CSMD1: variants seen among roughly 807,000 people sequenced by gnomAD.
CSMD1 encodes CUB and Sushi multiple domains 1, also known as CUB and sushi domain-containing protein 1.
A neutral mutation model predicts 417.5 loss-of-function variants in CSMD1; 213 were observed. That is an observed-to-expected ratio of 0.51 (90% confidence interval 0.46 to 0.57). The LOEUF is 0.57. CSMD1 is among the 20% of genes least tolerant of loss of function. The probability of loss-of-function intolerance (pLI) is 0.00; values close to 1 mark genes in which losing one functional copy is unlikely to be tolerated. For synonymous variants in CSMD1, 2,862 were observed against 1,736.8 expected (o/e 1.65, Z -16.11); for missense variants, 6,923 against 4,529.7 (o/e 1.53, Z -15.17).
Position 4,592,463 on chromosome 8 carries a change from T to G in CSMD1, c.302+44879A>C, listed in dbSNP as rs946031674. ...GTGCAGTGGCATGACCTTGACTCAC[T>G]GCAACCTCCACCTGCCAGGTTTAAG... is the stretch of plus-strand genomic sequence containing the variant. On this transcript the variant is annotated intron_variant, in intron 2 of 69. Coordinates refer to ENST00000635120, the MANE Select transcript of CSMD1 (RefSeq NM_033225.6). Among the ~76,000 whole-genome samples, 12 of 152,146 alleles carry G rather than the reference T, an allele frequency of 7.9e-5. No individual in the cohort carries two copies. The East Asian group carries it at 2.1e-3, about 27-fold the overall frequency.
chr8:3,035,065 C>A (rs1810583035), intron 50 of CSMD1, among the ~76,000 whole-genome samples: 1 of 152,134 alleles, frequency 6.6e-6, no homozygotes, highest in South Asian at 2.1e-4. Flanking sequence ...GAGTTACAGT[C>A]AGGAGGCAAC....
rs1331676757 is a variant in CSMD1, at chr8:3,574,976, A to G, written c.1313T>C (p.Val438Ala). ...PVQYEDNAHC[V>A]WVITTTDPDK... ...CGGGTCGGTGGTGGTGATGACCCAC[A>G]CACAGTGTGCATTATCTTCATACTG... The change falls in exon 10 of 70, where the codon GTG becomes GCG. Residue 438 changes from valine (V) to alanine (A), a missense_variant. By Grantham distance (64) the Val-to-Ala change is moderately conservative. Transcript: ENST00000635120. The G allele has an allele frequency of 1.2e-6, 2 of 1,612,944 alleles. No homozygotes were observed. The highest frequency in any genetic ancestry group is 8.5e-7 in the Non-Finnish European group (1 of 1,179,788).
chr8:4,216,435 CTAAG>C lies in CSMD1; in HGVS notation c.416-184340_416-184337del, dbSNP rs368522158. The stretch of plus-strand genomic sequence containing the variant: ...TAAAATTAATACTTATTTGAAGTTC[CTAAG>C]TAAGTAAGTAAAGCTTGTTAAATTA... On this transcript the variant is annotated intron_variant, in intron 3 of 69. Transcript: ENST00000635120. Among the ~76,000 whole-genome samples, 568 of 152,220 alleles carry C rather than the reference CTAAG, an allele frequency of 3.7e-3. 3 individuals are homozygous for C. The highest frequency in any genetic ancestry group is 7.1e-3 in the African/African-American group (294 of 41,532).
chr8:4,462,020 C>CG (rs1244658484), intron 2 of CSMD1, among the ~76,000 whole-genome samples: 3 of 151,906 alleles, frequency 2.0e-5, no homozygotes, highest in Non-Finnish European at 4.4e-5. Flanking sequence ...GGATTACAGG[C>CG]TGAGCCACCA....
chr8:3,273,532 G>T (rs1438625187), intron 26 of CSMD1, among the ~76,000 whole-genome samples: 1 of 152,266 alleles, frequency 6.6e-6, no homozygotes, highest in East Asian at 1.9e-4. Flanking sequence ...TGTACCTCTG[G>T]TAGAATTCGG....
intron 1 of CSMD1, among the ~76,000 whole-genome samples, chr8:4,733,218 T>G (rs2116967127): frequency 6.6e-6 from 1 of 152,270 alleles, no homozygotes; most frequent in Non-Finnish European, 1.5e-5. Flanking sequence ...CAAAACAGAC[T>G]AATTCAAAAA....
intron 30 of CSMD1, among the ~76,000 whole-genome samples, chr8:3,207,667 G>C (rs922309765): frequency 1.3e-5 from 2 of 152,024 alleles, no homozygotes; most frequent in Non-Finnish European, 2.9e-5. Context: ...AAAAACTTAA[G>C]TTGTATTCTA....
intron 52 of CSMD1, among the ~76,000 whole-genome samples, chr8:3,005,945 T>C (rs1277397970): frequency 1.3e-5 from 2 of 152,004 alleles, no homozygotes; most frequent in Non-Finnish European, 2.9e-5. Context: ...GAGAAGGAAA[T>C]AAAGGGTATT....
intron 27 of CSMD1, 39 bp from the exon 28 acceptor site, chr8:3,223,906 A>G (rs781547154): frequency 6.2e-7 from 1 of 1,606,468 alleles, no homozygotes; most frequent in South Asian, 1.1e-5. Context: ...AAGTAAGGAC[A>G]GCGAAGAACG....
intron 5 of CSMD1, among the ~76,000 whole-genome samples, chr8:3,833,937 G>A (rs540276785): frequency 6.6e-6 from 1 of 152,174 alleles, no homozygotes; most frequent in East Asian, 1.9e-4. Flanking sequence ...ATTATTGGTT[G>A]GTTGTTGCTG....
In CSMD1 at chr8:4,838,928, T is replaced by C. The variant is rs181781646; in HGVS notation, c.85+155404A>G. On this transcript the variant is annotated intron_variant, in intron 1 of 69. Coordinates refer to ENST00000635120, the MANE Select transcript of CSMD1 (RefSeq NM_033225.6). ...CTAAAGGTTACATAAACTTATTTTA[T>C]GAAAGACAAATTTGACAAATTCAGC... Among the ~76,000 whole-genome samples the C allele has an allele frequency of 5.3e-5, 8 of 152,358 alleles. No individual in the cohort carries two copies. The East Asian group carries it at 1.4e-3, about 26-fold the overall frequency.
At chr8:4,572,212 T>C (rs2725054) in intron 2 of CSMD1, among the ~76,000 whole-genome samples, 61,667 of 152,086 alleles carry the variant, frequency 0.41, 13,178 homozygotes, top group East Asian at 0.53. Flanking sequence ...TTCATAGTGT[T>C]GTTGGTCTTT....
intron 47 of CSMD1, 110 bp downstream of exon 47, chr8:3,096,739 C>G (rs1171605277): frequency 2.6e-6 from 2 of 783,368 alleles, no homozygotes; most frequent in South Asian, 2.0e-5. Context: ...TTTGGGAAAA[C>G]ATAAGTTAAC....
chr8:4,198,575 AT>A (rs1192009804), intron 3 of CSMD1, among the ~76,000 whole-genome samples: 3 of 152,108 alleles, frequency 2.0e-5, no homozygotes, highest in African/African-American at 7.2e-5. Context: ...TGCACAAGGA[AT>A]TTTTCAGCGC....
chr8:3,962,925 TTCAC>T (rs1273330110), intron 5 of CSMD1, among the ~76,000 whole-genome samples: 7 of 152,312 alleles, frequency 4.6e-5, no homozygotes, highest in African/African-American at 1.7e-4. Flanking sequence ...CACAAAACTT[TTCAC>T]TCAGTTTTTG....
intron 3 of CSMD1, among the ~76,000 whole-genome samples, chr8:4,416,340 T>G (rs1301023118): frequency 1.3e-5 from 2 of 152,242 alleles, no homozygotes; most frequent in East Asian, 3.9e-4. Context: ...AAAGTCAACC[T>G]AAATTATTGC....
rs3076013 is a variant in CSMD1 at position 2,960,939 on chromosome 8, G to GATATATATATATATATAT, written c.9702+184_9702+201dup. 2.4e-3 allele frequency among the ~76,000 whole-genome samples: 295 copies of GATATATATATATATATAT among 121,906 alleles called. 7 individuals carry two copies. Among genetic ancestry groups the GATATATATATATATATAT allele is most frequent in the East Asian group, 9.1e-3 (33 of 3,614 alleles). The allele number at this position is 121,906 out of a possible 152,430, so 80.0% of individuals were successfully genotyped here. A position where few individuals can be genotyped will look rare whatever the true frequency, so the allele number is the denominator to read the frequency against. ...TATTCCATTATTATCTAGTAAGCAAGATATATATATATATATATATATATA... is the reference window on the plus strand; with the variant it reads ...TATTCCATTATTATCTAGTAAGCAAGATATATATATATATATATATATATATATATATATATATATATA... On this transcript the variant is annotated intron_variant, in intron 62 of 69. Transcript: ENST00000635120.
At position 4,256,606 on chromosome 8, in the gene CSMD1, C is replaced by A. The variant is rs149603790; in HGVS notation, c.415+163347G>T. On this transcript the variant is annotated intron_variant, in intron 3 of 69. Transcript: ENST00000635120. ...GGGTTTACCCTCACTTTAGAGAAAA[C>A]CACCTTGAGAATCAGTGAGACCCAT... 4.3e-4 allele frequency among the ~76,000 whole-genome samples: 65 copies of A among 152,240 alleles called. 1 individual carries two copies. In the East Asian group the frequency reaches 0.012, roughly 28 times the overall value.
chr8:3,350,859 A>G (rs1033018434), intron 21 of CSMD1, among the ~76,000 whole-genome samples: 2 of 152,216 alleles, frequency 1.3e-5, no homozygotes, highest in Admixed American at 6.5e-5. Flanking sequence ...TTTTTTTAAA[A>G]AAAGCAGATA....
Sources: gnomAD v4.1 joint callset for allele counts (sites outside exome capture counted in the v4.1 genomes callset) on GRCh38, gnomAD v4.1.1 for gene constraint, MANE v1.5 for transcripts, NCBI Gene and HGNC (gene_info 2026-07-23, HGNC 2026-07-21) for gene names.